Variants in TRDMT1 observed in about 807,000 individuals in gnomAD.
TRDMT1 encodes tRNA (cytosine(38)-C(5))-methyltransferase.
A neutral mutation model predicts 51.2 loss-of-function variants in TRDMT1; 49 were observed. The ratio of observed to expected loss-of-function variants is 0.96; its 90% CI spans 0.76 to 1.21. The LOEUF (loss-of-function observed/expected upper bound fraction) is 1.21. Ranked by LOEUF, TRDMT1 falls within the 50% of genes most tolerant of loss-of-function variation. The pLI is 0.00. For missense variants in TRDMT1, 534 were observed against 462.3 expected (o/e 1.16, Z -1.42); for synonymous variants, 187 against 164.6 (o/e 1.14, Z -1.04).
At chr10:17,192,862 G>A (rs2131610126) in intron 1 of TRDMT1, among the ~76,000 whole-genome samples, 1 of 152,176 alleles carries the variant, frequency 6.6e-6, no homozygotes, top group East Asian at 1.9e-4. Flanking sequence ...ATTTCCTCAT[G>A]ATAAAAACCC....
chr10:17,146,205 C>T lies in TRDMT1; in HGVS notation c.*2835G>A, dbSNP rs945237642. The T allele has an allele frequency of 9.1e-6, 9 of 985,454 alleles. No homozygotes were observed. In the African/African-American group the frequency reaches 1.4e-4, roughly 15 times the overall value. 61.0% of individuals were successfully genotyped at this position (985,454 alleles called of 1,614,324 possible). ...TAAAAAAGTGCTGGGTGGACCCTCACTGTTCACAATTTCAACTACTGTTTT... is the reference window on the plus strand; with the variant it reads ...TAAAAAAGTGCTGGGTGGACCCTCATTGTTCACAATTTCAACTACTGTTTT... On this transcript the variant is annotated 3_prime_UTR_variant, in exon 11 of 11. Coordinates refer to ENST00000377799, the MANE Select transcript of TRDMT1 (RefSeq NM_004412.7).
At chr10:17,177,211 T>TATTTATTTATTTATTTA (rs1554763686) in intron 1 of TRDMT1, among the ~76,000 whole-genome samples, 1 of 150,694 alleles carries the variant, frequency 6.6e-6, no homozygotes, top group Non-Finnish European at 1.5e-5. Context: ...TTTATTTATT[T>TATTTATTTATTTATTTA]TTTGAGATAG....
Position 17,143,454 on chromosome 10 carries a change from CA to C in TRDMT1, c.*5585del. 1.0e-6 allele frequency: 1 copy of C among 985,444 alleles called. No individual in the cohort carries two copies. Among genetic ancestry groups the C allele is most frequent in the South Asian group, 4.7e-5 (1 of 21,290 alleles). 61.0% of individuals were successfully genotyped at this position (985,444 alleles called of 1,614,324 possible). On this transcript the variant is annotated 3_prime_UTR_variant, in exon 11 of 11. Coordinates refer to ENST00000377799, the MANE Select transcript of TRDMT1 (RefSeq NM_004412.7). Reference sequence around the variant, plus strand: ...TGAAAGTCAACTCATTTCTACTACACAAGGAGTATCACATTCCATTCAGTGT... The same window carrying C: ...TGAAAGTCAACTCATTTCTACTACACAGGAGTATCACATTCCATTCAGTGT...
intron 8 of TRDMT1, 40 bp downstream of exon 8, chr10:17,157,401 G>A: frequency 6.8e-7 from 1 of 1,468,496 alleles, no homozygotes; most frequent in Non-Finnish European, 9.1e-7. Context: ...AAAAAACCTG[G>A]TTATTTTGGA....
At chr10:17,154,814 T>A (rs1839277142) in intron 8 of TRDMT1, 80 bp from the exon 9 acceptor site, 9 of 1,189,962 alleles carry the variant, frequency 7.6e-6, no homozygotes, top group Non-Finnish European at 9.7e-6. Flanking sequence ...TTGAATGAAT[T>A]AATCAATCTA....
At chr10:17,165,980 A>G (rs974793361) in intron 3 of TRDMT1, among the ~76,000 whole-genome samples, 2 of 152,190 alleles carry the variant, frequency 1.3e-5, no homozygotes, top group African/African-American at 4.8e-5. Flanking sequence ...TCAGGGATCT[A>G]GAACTAGAAA....
chr10:17,158,026 T>A (rs373999657), intron 7 of TRDMT1, among the ~76,000 whole-genome samples: 13 of 152,230 alleles, frequency 8.5e-5, no homozygotes, highest in African/African-American at 2.9e-4. Context: ...TATTTATTAA[T>A]AAAAACATTC....
chr10:17,168,478 G>A (rs551218519), intron 3 of TRDMT1, among the ~76,000 whole-genome samples: 159 of 152,214 alleles, frequency 1.0e-3, no homozygotes, highest in Middle Eastern at 3.4e-3. Context: ...CACTTGATAT[G>A]GTTTGGCTGT....
rs973427530 is a variant in TRDMT1 at position 17,146,124 on chromosome 10, A to G, written c.*2916T>C. On this transcript the variant is annotated 3_prime_UTR_variant, in exon 11 of 11. Coordinates refer to ENST00000377799, the MANE Select transcript of TRDMT1 (RefSeq NM_004412.7). The stretch of plus-strand genomic sequence containing the variant: ...AACTTAAAAGCCTCTCTACTAAATA[A>G]CTTTACCTCTTTGAAAAGTTGGATA... 8.1e-6 allele frequency: 8 copies of G among 985,284 alleles called. No individual in the cohort carries two copies. In the African/African-American group the frequency reaches 1.4e-4, roughly 17 times the overall value. The allele number at this position is 985,284 out of a possible 1,614,324, so 61.0% of individuals were successfully genotyped here. A position where few individuals can be genotyped will look rare whatever the true frequency, so the allele number is the denominator to read the frequency against.
intron 1 of TRDMT1, among the ~76,000 whole-genome samples, chr10:17,187,381 G>C (rs1039959496): frequency 6.6e-6 from 1 of 151,958 alleles, no homozygotes; most frequent in African/African-American, 2.4e-5. Context: ...GCATATTTAT[G>C]GTCACAGAGA....
In TRDMT1 at chr10:17,168,920, G is replaced by A; in HGVS notation, c.175-3C>T. On this transcript the variant is annotated splice_polypyrimidine_tract_variant and splice_region_variant and intron_variant, in intron 2 of 10. Coordinates refer to ENST00000377799, the MANE Select transcript of TRDMT1 (RefSeq NM_004412.7). ...TCAAACTCTTCGAGTGTAATGCCCT[G>A]AGGAATGAACATTTAGGGGGAAAAA... 2 of 1,600,804 alleles carry A rather than the reference G, an allele frequency of 1.2e-6. No individual in the cohort carries two copies. Among genetic ancestry groups the A allele is most frequent in the Non-Finnish European group, 1.7e-6 (2 of 1,172,306 alleles).
intron 8 of TRDMT1, 90 bp downstream of exon 8, chr10:17,157,351 G>A: frequency 8.2e-7 from 1 of 1,219,508 alleles, no homozygotes; most frequent in East Asian, 2.4e-5. Context: ...TTTATAAAAT[G>A]CTCCTTGTTT....
intron 7 of TRDMT1, 28 bp from the exon 8 acceptor site, chr10:17,157,812 G>T: frequency 2.0e-6 from 3 of 1,484,148 alleles, no homozygotes; most frequent in Admixed American, 2.2e-5. Flanking sequence ...TACACAAATT[G>T]TCAAAAGTTG....
chr10:17,162,098 A>T (rs1840440823), intron 4 of TRDMT1, 68 bp downstream of exon 4: 2 of 1,387,764 alleles, frequency 1.4e-6, no homozygotes, highest in Non-Finnish European at 2.0e-6. Flanking sequence ...AAAATGACAA[A>T]CGTCACATTC....
intron 3 of TRDMT1, 38 bp from the exon 4 acceptor site, chr10:17,162,275 CAGAA>C (rs766274063): frequency 6.7e-7 from 1 of 1,491,524 alleles, no homozygotes; most frequent in African/African-American, 1.5e-5. Context: ...AAAAAAAACA[CAGAA>C]AGTTTATTAA....
chr10:17,141,044 T>C lies in TRDMT1; in HGVS notation c.*7996A>G, dbSNP rs1166343795. ...AAGGATAGTTTGGCTAGATATAGAATTCATAGTTGACAATGCCACCTCCTT... is the reference window on the plus strand; with the variant it reads ...AAGGATAGTTTGGCTAGATATAGAACTCATAGTTGACAATGCCACCTCCTT... On this transcript the variant is annotated 3_prime_UTR_variant, in exon 11 of 11. Coordinates refer to ENST00000377799, the MANE Select transcript of TRDMT1 (RefSeq NM_004412.7). Among the ~76,000 whole-genome samples, 1 of 152,258 alleles carries C rather than the reference T, an allele frequency of 6.6e-6. No homozygotes were observed. The highest frequency in any genetic ancestry group is 6.5e-5 in the Admixed American group (1 of 15,288).
rs746221561 is a variant in TRDMT1 at position 17,157,457 on chromosome 10, C to A, written c.871G>T (p.Val291Leu). The change falls in exon 8 of 11, where the codon GTG becomes TTG. Residue 291 changes from valine to leucine, a missense_variant. Val to Leu is a conservative substitution (Grantham distance 32, BLOSUM62 1). Transcript: ENST00000377799. Reference protein sequence around the residue: ...DIVQPTCRRSVCFTKGYGSYI... With the variant: ...DIVQPTCRRSLCFTKGYGSYI... Reference sequence around the variant, plus strand: ...AAAACCTACCCTTTGGTAAAGCACACGGACCTTCTACAAGTGGGCTGAACA... The same window carrying A: ...AAAACCTACCCTTTGGTAAAGCACAAGGACCTTCTACAAGTGGGCTGAACA... 6.2e-7 allele frequency: 1 copy of A among 1,606,844 alleles called. No individual in the cohort carries two copies. Among genetic ancestry groups the A allele is most frequent in the South Asian group, 1.1e-5 (1 of 90,664 alleles).
chr10:17,158,053 G>T (rs575140857), intron 7 of TRDMT1, among the ~76,000 whole-genome samples: 2 of 152,178 alleles, frequency 1.3e-5, no homozygotes, highest in East Asian at 1.9e-4. Flanking sequence ...CTAACAGAAA[G>T]TATATACTGA....
chr10:17,168,344 G>A lies in TRDMT1; in HGVS notation c.251+497C>T, dbSNP rs374639531. Among the ~76,000 whole-genome samples the A allele has an allele frequency of 3.9e-5, 6 of 152,186 alleles. No individual in the cohort carries two copies. The East Asian group carries it at 5.8e-4, about 15-fold the overall frequency. On this transcript the variant is annotated intron_variant, in intron 3 of 10. Transcript: ENST00000377799. ...TAAAAATAAATAAATACATACATAA[G>A]TAGATAGAAGGATTTATGAAAAAAT...
Sources: allele counts gnomAD v4.1 joint callset (sites outside exome capture counted in the v4.1 genomes callset), GRCh38; gene constraint gnomAD v4.1.1; transcripts MANE v1.5; gene names NCBI Gene and HGNC (gene_info 2026-07-23, HGNC 2026-07-21).